The following MSI2 variants were observed in gnomAD, a reference collection of about 807,000 sequenced individuals.
MSI2 encodes RNA-binding protein Musashi homolog 2.
In MSI2, 17 loss-of-function variants were observed where a neutral mutation model predicts 45.6. The ratio of observed to expected loss-of-function variants is 0.37; its 90% CI spans 0.26 to 0.56. The LOEUF is 0.56. Ranked by LOEUF, MSI2 falls within the 20% of genes least tolerant of loss-of-function variation. The probability of loss-of-function intolerance (pLI) is 0.77; values close to 1 mark genes in which losing one functional copy is unlikely to be tolerated. For synonymous variants in MSI2, 156 were observed against 158.2 expected, an observed-to-expected ratio of 0.99 and a Z score of 0.11; for missense variants, 293 against 444.2, an observed-to-expected ratio of 0.66 and a Z score of 3.06.
intron 13 of MSI2, among the ~76,000 whole-genome samples, chr17:57,678,087 G>A (rs918010587): frequency 4.6e-5 from 7 of 152,230 alleles, no homozygotes; most frequent in African/African-American, 1.7e-4. Context: ...CAAGGCTGGA[G>A]ATGAACTGGC....
At chr17:57,507,623 T>G (rs1204164948) in intron 6 of MSI2, among the ~76,000 whole-genome samples, 4 of 152,120 alleles carry the variant, frequency 2.6e-5, no homozygotes, top group South Asian at 4.1e-4. Flanking sequence ...TTGCATGAGT[T>G]GGGAACTGAC....
intron 10 of MSI2, chr17:57,632,081 A>C (rs1909428432): frequency 7.8e-7 from 1 of 1,288,640 alleles, no homozygotes; most frequent in South Asian, 2.4e-5. Flanking sequence ...GACCGACCCC[A>C]CTTCCTCAGA....
At chr17:57,464,244 G>A (rs2085289265) in intron 6 of MSI2, among the ~76,000 whole-genome samples, 1 of 151,960 alleles carries the variant, frequency 6.6e-6, no homozygotes, top group Non-Finnish European at 1.5e-5. Context: ...GGAGTTTGGG[G>A]CCAGCCTGAG....
At chr17:57,696,273 A>G in the MSI2 span, among the ~76,000 whole-genome samples, 76 of 152,322 alleles carry the variant, frequency 5.0e-4, 1 homozygote, top group Admixed American at 6.5e-4. Context: ...CAAAGTGGCA[A>G]TGTCACGGCA....
intron 6 of MSI2, among the ~76,000 whole-genome samples, chr17:57,454,438 CTT>C (rs35707042): frequency 5.4e-5 from 7 of 130,098 alleles, no homozygotes; most frequent in Non-Finnish European, 6.4e-5. Flanking sequence ...TTTTCTCTTT[CTT>C]TTTTTTTTTT....
chr17:57,484,437 C>G (rs1026879833), intron 6 of MSI2, among the ~76,000 whole-genome samples: 1 of 152,212 alleles, frequency 6.6e-6, no homozygotes, highest in African/African-American at 2.4e-5. Context: ...TCAGTACTGT[C>G]AGCCTCAACA....
At chr17:57,534,478 G>A (rs1335146660) in intron 7 of MSI2, among the ~76,000 whole-genome samples, 3 of 152,170 alleles carry the variant, frequency 2.0e-5, no homozygotes, top group Admixed American at 6.5e-5. Context: ...TTGGGAGGCC[G>A]AGGCGGGTGG....
At chr17:57,433,437 C>T (rs1395488383) in intron 6 of MSI2, among the ~76,000 whole-genome samples, 2 of 152,138 alleles carry the variant, frequency 1.3e-5, no homozygotes, top group Non-Finnish European at 2.9e-5. Flanking sequence ...CATCCACAAG[C>T]CATGGGACAC....
intron 6 of MSI2, among the ~76,000 whole-genome samples, chr17:57,503,086 T>C (rs1214886120): frequency 6.6e-6 from 1 of 152,230 alleles, no homozygotes; most frequent in Non-Finnish European, 1.5e-5. Context: ...CCTATCTCCG[T>C]CTGTTCCATT....
intron 4 of MSI2, chr17:57,259,942 T>G (rs1354094456): frequency 2.0e-5 from 3 of 152,224 alleles, no homozygotes; most frequent in African/African-American, 7.2e-5. Flanking sequence ...TATTATTTAG[T>G]GTAACCTAGC....
intron 8 of MSI2, among the ~76,000 whole-genome samples, chr17:57,605,097 G>A (rs1906400876): frequency 6.6e-6 from 1 of 152,200 alleles, no homozygotes; most frequent in Non-Finnish European, 1.5e-5. Context: ...AAATGAGAAT[G>A]TCAAATGCAA....
chr17:57,554,874 CT>C (rs2087394928), intron 7 of MSI2, among the ~76,000 whole-genome samples: 1 of 152,276 alleles, frequency 6.6e-6, no homozygotes, highest in South Asian at 2.1e-4. Context: ...TCCCTTCCTG[CT>C]GCTCGAATTT....
At chr17:57,526,868 T>C (rs879734091) in intron 6 of MSI2, among the ~76,000 whole-genome samples, 23 of 152,120 alleles carry the variant, frequency 1.5e-4, no homozygotes, top group Admixed American at 1.5e-3. Flanking sequence ...CGAGCCCCAT[T>C]GTACAGCCGG....
intron 6 of MSI2, among the ~76,000 whole-genome samples, chr17:57,409,700 C>T (rs12948632): frequency 0.41 from 62,489 of 151,806 alleles, 14,088 homozygotes; most frequent in African/African-American, 0.6. Context: ...ACAAGTAGTG[C>T]GTGGGAGACA....
In MSI2 at chr17:57,280,268, G is replaced by A. The variant is rs1349955824; in HGVS notation, c.312+18076G>A. 6.6e-6 allele frequency among the ~76,000 whole-genome samples: 1 copy of A among 152,166 alleles called. No homozygotes were observed. The highest frequency in any genetic ancestry group is 1.5e-5 in the Non-Finnish European group (1 of 68,032). On this transcript the variant is annotated intron_variant, in intron 5 of 13. Coordinates refer to ENST00000284073, the MANE Select transcript of MSI2 (RefSeq NM_138962.4). This position sits in a 1 kb window ranked among gnomAD's most constrained non-coding sequence, Gnocchi z 4.2. ...CATTTAAAAGTTTAAGGGATGGGAT[G>A]GGAAATGATCAGGTTTGCGTTTTGA...
chr17:57,371,501 T>A (rs2083419924), intron 5 of MSI2, among the ~76,000 whole-genome samples: 1 of 108,574 alleles, frequency 9.2e-6, no homozygotes, highest in Admixed American at 1.2e-4. Context: ...TCTGTCCTTT[T>A]TCATGGCAAA....
At chr17:57,452,906 G>A (rs1188311961) in intron 6 of MSI2, among the ~76,000 whole-genome samples, 1 of 152,020 alleles carries the variant, frequency 6.6e-6, no homozygotes, top group African/African-American at 2.4e-5. Flanking sequence ...TTTGGATGCA[G>A]GCTCTAACCT....
intron 6 of MSI2, among the ~76,000 whole-genome samples, chr17:57,441,910 A>T (rs957930444): frequency 6.6e-6 from 1 of 152,080 alleles, no homozygotes; most frequent in African/African-American, 2.4e-5. Context: ...TTGTAGCTTC[A>T]TGGGGAGGAC....
intron 5 of MSI2, chr17:57,267,266 T>G (rs576011238): frequency 1.3e-5 from 2 of 152,366 alleles, no homozygotes; most frequent in Non-Finnish European, 2.9e-5. Flanking sequence ...TGGCTTAGCT[T>G]CTTTCTTGTC....
Sources: allele counts gnomAD v4.1 joint callset (sites outside exome capture counted in the v4.1 genomes callset), GRCh38; gene constraint gnomAD v4.1.1; non-coding constraint Gnocchi (gnomAD v3.1); transcripts MANE v1.5; gene names NCBI Gene and HGNC (gene_info 2026-07-23, HGNC 2026-07-21).